Variants in ATP2B2 observed in about 807,000 individuals in gnomAD.
ATP2B2 encodes the protein plasma membrane calcium-transporting ATPase 2.
A neutral mutation model predicts 120.0 loss-of-function variants in ATP2B2; 15 were observed. The observed-to-expected ratio is 0.12, with a 90% confidence interval of 0.08 to 0.19. The LOEUF is 0.19. Ranked by LOEUF, ATP2B2 falls within the 10% of genes least tolerant of loss-of-function variation. The probability of loss-of-function intolerance (pLI) is 1.00; values close to 1 mark genes in which losing one functional copy is unlikely to be tolerated. For synonymous variants in ATP2B2, 694 were observed against 700.3 expected (o/e 0.99, Z 0.14); for missense variants, 1,045 against 1,719.8 (o/e 0.61, Z 6.94).
chr3:10,576,066 G>A (rs1486257051), intron 2 of ATP2B2, among the ~76,000 whole-genome samples: 1 of 152,206 alleles, frequency 6.6e-6, no homozygotes, highest in African/African-American at 2.4e-5. Flanking sequence ...TTTCACACAT[G>A]GCGAAGCTGG....
At chr3:10,691,262 G>A (rs971981367) in intron 1 of ATP2B2, among the ~76,000 whole-genome samples, 4 of 152,162 alleles carry the variant, frequency 2.6e-5, no homozygotes, top group African/African-American at 9.7e-5. Flanking sequence ...ATACAGTAGC[G>A]ATCATAAAAT....
chr3:10,705,130 C>A (rs746427991), intron 1 of ATP2B2, among the ~76,000 whole-genome samples: 12 of 152,166 alleles, frequency 7.9e-5, no homozygotes, highest in Non-Finnish European at 1.6e-4. Flanking sequence ...ATAGCAAATT[C>A]TTATCAAGAG....
chr3:10,703,243 C>A (rs1352973768), intron 1 of ATP2B2, among the ~76,000 whole-genome samples: 1 of 152,206 alleles, frequency 6.6e-6, no homozygotes, highest in Non-Finnish European at 1.5e-5. Flanking sequence ...GGGCTACAAT[C>A]AGCGTCTCTG....
intron 1 of ATP2B2, among the ~76,000 whole-genome samples, chr3:10,667,392 G>C (rs944982413): frequency 6.6e-6 from 1 of 152,152 alleles, no homozygotes; most frequent in Non-Finnish European, 1.5e-5. Flanking sequence ...AGGGGGCTGG[G>C]TGCGTCCCTG....
At chr3:10,455,530 C>A (rs1410545836) in intron 1 of ATP2B2, among the ~76,000 whole-genome samples, 1 of 152,258 alleles carries the variant, frequency 6.6e-6, no homozygotes, top group African/African-American at 2.4e-5. Context: ...CAGCTCCTGG[C>A]CCAGAGCAGA....
At chr3:10,493,680 C>T (rs901217235) in intron 1 of ATP2B2, among the ~76,000 whole-genome samples, 1 of 152,222 alleles carries the variant, frequency 6.6e-6, no homozygotes, top group Admixed American at 6.5e-5. Context: ...CCCCTCCCTT[C>T]ATCTATTCTA....
intron 1 of ATP2B2, among the ~76,000 whole-genome samples, chr3:10,497,276 G>C (rs759051163): frequency 6.6e-6 from 1 of 152,210 alleles, no homozygotes. Flanking sequence ...AAAGAGTCCT[G>C]AACCAACATG....
intron 1 of ATP2B2, among the ~76,000 whole-genome samples, chr3:10,494,926 C>T (rs562019678): frequency 6.6e-6 from 1 of 152,318 alleles, no homozygotes; most frequent in East Asian, 1.9e-4. Context: ...GGGGATACAG[C>T]TTGTCAGTGG....
rs2060437392 is a variant in ATP2B2, at chr3:10,346,553, C to T, written c.2405-416G>A. Among the ~76,000 whole-genome samples, 1 of 152,246 alleles carries T rather than the reference C, an allele frequency of 6.6e-6. No individual in the cohort carries two copies. The highest frequency in any genetic ancestry group is 2.4e-5 in the African/African-American group (1 of 41,452). Reference sequence around the variant, plus strand: ...CGACACCACTAGCCAGCACTTTCTCCCTGGGGAGTCCAGGCTTGCTGAGGA... The same window carrying T: ...CGACACCACTAGCCAGCACTTTCTCTCTGGGGAGTCCAGGCTTGCTGAGGA... On this transcript the variant is annotated intron_variant, in intron 16 of 22. Coordinates refer to ENST00000360273, the MANE Select transcript of ATP2B2 (RefSeq NM_001001331.4). This position sits in a 1 kb window ranked among gnomAD's most constrained non-coding sequence, Gnocchi z 4.1.
chr3:10,353,037 G>A (rs1429201773), intron 14 of ATP2B2, among the ~76,000 whole-genome samples: 1 of 152,238 alleles, frequency 6.6e-6, no homozygotes, highest in African/African-American at 2.4e-5. Flanking sequence ...ATGACAGGGT[G>A]CTCCCTCCCT....
At chr3:10,424,537 C>G (rs1052747957) in intron 2 of ATP2B2, among the ~76,000 whole-genome samples, 2 of 152,344 alleles carry the variant, frequency 1.3e-5, no homozygotes, top group Middle Eastern at 3.4e-3. Flanking sequence ...TGTGTTGTCA[C>G]TGTGGTGTGG....
At chr3:10,350,005 G>T in intron 16 of ATP2B2, 107 bp downstream of exon 16, 14 of 1,162,074 alleles carry the variant, frequency 1.2e-5, no homozygotes, top group Non-Finnish European at 1.8e-5. Context: ...AGTCAGGGGC[G>T]AGGGGCCCTT....
At chr3:10,562,540 G>A (rs1312718803) in intron 2 of ATP2B2, among the ~76,000 whole-genome samples, 4 of 152,076 alleles carry the variant, frequency 2.6e-5, no homozygotes, top group Non-Finnish European at 5.9e-5. Context: ...CTGATTCCCT[G>A]AATCACCCCT....
At chr3:10,572,413 T>A (rs1223532400) in intron 2 of ATP2B2, among the ~76,000 whole-genome samples, 6 of 152,140 alleles carry the variant, frequency 3.9e-5, no homozygotes, top group African/African-American at 1.4e-4. Context: ...GATGAAAAAT[T>A]TGTGGAAATG....
intron 11 of ATP2B2, 99 bp from the exon 12 acceptor site, chr3:10,372,150 A>G (rs985060761): frequency 6.6e-7 from 1 of 1,512,530 alleles, no homozygotes; most frequent in Non-Finnish European, 9.1e-7. Context: ...AATAAGGCAG[A>G]GCCACCACAG....
chr3:10,468,109 G>A (rs1030978253), intron 1 of ATP2B2, among the ~76,000 whole-genome samples: 4 of 152,230 alleles, frequency 2.6e-5, no homozygotes, highest in Non-Finnish European at 4.4e-5. Flanking sequence ...AGGGAAGTGG[G>A]AGGCGGGGTT....
intron 7 of ATP2B2, 110 bp downstream of exon 7, chr3:10,386,370 G>T: frequency 7.9e-7 from 1 of 1,261,646 alleles, no homozygotes; most frequent in Non-Finnish European, 1.2e-6. Context: ...GCCACCCACA[G>T]GCATGTGGCC....
At position 10,327,012 on chromosome 3, in the gene ATP2B2, A is replaced by G. The variant is rs2059869922; in HGVS notation, c.*1802T>C. 2.5e-6 allele frequency: 1 copy of G among 397,652 alleles called. No individual in the cohort carries two copies. Among genetic ancestry groups the G allele is most frequent in the South Asian group, 1.4e-4 (1 of 7,020 alleles). 24.6% of individuals were successfully genotyped at this position (397,652 alleles called of 1,614,324 possible). ...TTTGGTTTTCCTCGAAGCATGGGAC[A>G]TCATCGATCATGGTATTCAAAATGT... On this transcript the variant is annotated 3_prime_UTR_variant, in exon 23 of 23. Coordinates refer to ENST00000360273, the MANE Select transcript of ATP2B2 (RefSeq NM_001001331.4).
intron 22 of ATP2B2, chr3:10,332,167 C>CTTTCTTCCCTT (rs2059998480): frequency 5.2e-6 from 4 of 775,614 alleles, no homozygotes; most frequent in Non-Finnish European, 9.0e-6. Flanking sequence ...AGAAGTCCAG[C>CTTTCTTCCCTT]TTTCTTCCCT....
Sources: allele counts gnomAD v4.1 joint callset (sites outside exome capture counted in the v4.1 genomes callset), GRCh38; gene constraint gnomAD v4.1.1; non-coding constraint Gnocchi (gnomAD v3.1); transcripts MANE v1.5; gene names NCBI Gene and HGNC (gene_info 2026-07-23, HGNC 2026-07-21).